Variants in RNF38 observed in about 807,000 individuals in gnomAD.
The protein encoded by RNF38 is E3 ubiquitin-protein ligase RNF38.
Under a neutral mutation model 67.2 loss-of-function variants are expected in RNF38, and 15 were observed. That is an observed-to-expected ratio of 0.22 (90% CI 0.15 to 0.34). The LOEUF (loss-of-function observed/expected upper bound fraction) is 0.34. Ranked by LOEUF, RNF38 falls within the 10% of genes least tolerant of loss-of-function variation. The pLI, the probability that RNF38 is intolerant of heterozygous loss-of-function variation, is 1.00. For synonymous variants in RNF38, 220 were observed against 218.8 expected, an observed-to-expected ratio of 1.01 and a Z score of -0.05; for missense variants, 524 against 639.9, an observed-to-expected ratio of 0.82 and a Z score of 1.95.
At chr9:36,438,993 A>T (rs1839133588) in intron 1 of RNF38, among the ~76,000 whole-genome samples, 1 of 151,612 alleles carries the variant, frequency 6.6e-6, no homozygotes, top group African/African-American at 2.4e-5. Context: ...AAACTAGAAG[A>T]AGAGGTTAAA....
intron 2 of RNF38, among the ~76,000 whole-genome samples, chr9:36,386,415 A>G (rs1836640560): frequency 6.6e-6 from 1 of 152,254 alleles, no homozygotes. Flanking sequence ...TATTTTCACA[A>G]TAATTTTCTC....
chr9:36,410,396 G>A (rs550537577), intron 2 of RNF38, among the ~76,000 whole-genome samples: 23 of 152,096 alleles, frequency 1.5e-4, no homozygotes, highest in African/African-American at 3.9e-4. Context: ...GCATGATCTC[G>A]GCTCACTGCA....
chr9:36,399,942 G>T (rs991754001), intron 1 of RNF38, among the ~76,000 whole-genome samples, 155 bp downstream of exon 1: 4 of 152,068 alleles, frequency 2.6e-5, no homozygotes, highest in Admixed American at 6.6e-5. Context: ...GTTTTCATAC[G>T]TTAAGTCCAC....
At chr9:36,401,145 C>T (rs1838006696), upstream of RNF38, 2 of 985,066 alleles carry the variant, frequency 2.0e-6, no homozygotes, top group African/African-American at 1.8e-5. Flanking sequence ...TCCCTTTTCC[C>T]CCAGGCTCCG....
intron 3 of RNF38, among the ~76,000 whole-genome samples, chr9:36,374,842 G>A (rs553656047): frequency 6.6e-6 from 1 of 152,258 alleles, no homozygotes; most frequent in South Asian, 2.1e-4. Context: ...CTCATTTAAC[G>A]TTAATTACAC....
chr9:36,406,596 A>C (rs996354343), intron 2 of RNF38, among the ~76,000 whole-genome samples: 1 of 152,246 alleles, frequency 6.6e-6, no homozygotes, highest in Non-Finnish European at 1.5e-5. Flanking sequence ...AGTCTTACCA[A>C]ATCTGGCAAG....
intron 1 of RNF38, among the ~76,000 whole-genome samples, chr9:36,463,312 C>T (rs1241328780): frequency 1.3e-5 from 2 of 152,110 alleles, no homozygotes; most frequent in Admixed American, 6.6e-5. Context: ...AGAAAGGCCC[C>T]GCACATTATG....
At chr9:36,353,371 T>C (rs202009956) in intron 6 of RNF38, 40 bp from the exon 7 acceptor site, 46 of 1,342,074 alleles carry the variant, frequency 3.4e-5, no homozygotes, top group Non-Finnish European at 4.4e-5. Context: ...TGTATATATA[T>C]ATATACTTCC....
In RNF38 at chr9:36,371,994, G is replaced by A. The variant is rs185536409; in HGVS notation, c.357-2062C>T. 2.4e-3 allele frequency among the ~76,000 whole-genome samples: 361 copies of A among 148,376 alleles called. 1 individual carries two copies. Among genetic ancestry groups the A allele is most frequent in the African/African-American group, 8.7e-3 (347 of 39,936 alleles). Reference sequence around the variant, plus strand: ...CTGCCAGGCTGGAGTGCAGTGGCCCGATCTCGGCTCACTACAACCTCTGCC... The same window carrying A: ...CTGCCAGGCTGGAGTGCAGTGGCCCAATCTCGGCTCACTACAACCTCTGCC... On this transcript the variant is annotated intron_variant, in intron 3 of 11. Coordinates refer to ENST00000259605, the MANE Select transcript of RNF38 (RefSeq NM_022781.5).
At chr9:36,439,989 T>G (rs1214132237) in intron 1 of RNF38, among the ~76,000 whole-genome samples, 1 of 152,172 alleles carries the variant, frequency 6.6e-6, no homozygotes, top group African/African-American at 2.4e-5. Context: ...CTCATGCCTG[T>G]AATCCCAGCA....
At chr9:36,477,832 A>AAAG (rs1554702647) in intron 1 of RNF38, among the ~76,000 whole-genome samples, 3 of 147,354 alleles carry the variant, frequency 2.0e-5, no homozygotes, top group South Asian at 2.2e-4. Flanking sequence ...AAAAAAAAAA[A>AAAG]AAAAGAAAGA....
Position 36,357,795 on chromosome 9 carries a change from C to G in RNF38, c.718G>C (p.Val240Leu), listed in dbSNP as rs770919126. The change falls in exon 5 of 12, where the codon GTC becomes CTC. Residue 240 changes from valine (V) to leucine (L), a missense_variant. Coordinates refer to ENST00000259605, the MANE Select transcript of RNF38 (RefSeq NM_022781.5). The stretch of plus-strand genomic sequence containing the variant: ...CTTACTGGAGGAGGCACACTACAGA[C>G]AGGGAGGTGCTGTCCACTGAAAACC... ...SVVFSGQHLPVCSVPPPMLQA... is the reference protein window; with the variant it reads ...SVVFSGQHLPLCSVPPPMLQA... The G allele has an allele frequency of 6.2e-7, 1 of 1,613,700 alleles. No individual in the cohort carries two copies. The highest frequency in any genetic ancestry group is 2.2e-5 in the East Asian group (1 of 44,870).
chr9:36,368,053 A>G (rs2133754881), intron 4 of RNF38, among the ~76,000 whole-genome samples: 1 of 152,224 alleles, frequency 6.6e-6, no homozygotes, highest in Non-Finnish European at 1.5e-5. Context: ...GGGTTTCACC[A>G]TGTTGGCCAG....
chr9:36,411,860 C>T (rs1372668089), intron 2 of RNF38, among the ~76,000 whole-genome samples: 2 of 152,052 alleles, frequency 1.3e-5, no homozygotes, highest in South Asian at 2.1e-4. Flanking sequence ...TGAACCACCA[C>T]GCTCAGCCTT....
intron 1 of RNF38, among the ~76,000 whole-genome samples, chr9:36,443,439 A>G (rs181673996): frequency 2.4e-3 from 363 of 152,354 alleles, no homozygotes; most frequent in African/African-American, 6.9e-3. Flanking sequence ...GAAAAATATC[A>G]ATGCTATATA....
intron 1 of RNF38, among the ~76,000 whole-genome samples, chr9:36,450,010 A>G (rs990305601): frequency 2.0e-5 from 3 of 152,190 alleles, no homozygotes; most frequent in African/African-American, 7.2e-5. Flanking sequence ...GAATTCCCTC[A>G]TGTATTTATA....
At chr9:36,461,042 C>CTACTAAATACA (rs1839721743) in intron 1 of RNF38, among the ~76,000 whole-genome samples, 1 of 152,088 alleles carries the variant, frequency 6.6e-6, no homozygotes, top group Admixed American at 6.6e-5. Context: ...GGGGAAACCC[C>CTACTAAATACA]GTATCTACTA....
intron 1 of RNF38, among the ~76,000 whole-genome samples, chr9:36,467,173 C>A (rs376493788): frequency 6.1e-5 from 1 of 16,424 alleles, no homozygotes; most frequent in Admixed American, 8.3e-4. Flanking sequence ...AGCGAGACTC[C>A]GTCTCAAAAA....
rs549289587 is a variant in RNF38 at position 36,352,848 on chromosome 9, G to T, written c.1072C>A (p.Pro358Thr). The change falls in exon 8 of 12, where the codon CCT becomes ACT. Residue 358 changes from proline to threonine, a missense_variant and splice_region_variant. By Grantham distance (38) the Pro-to-Thr change is conservative. This residue lies in a region of RNF38 where 461 missense variants were observed against 517.4 expected (regional missense o/e 0.89). Coordinates refer to ENST00000259605, the MANE Select transcript of RNF38 (RefSeq NM_022781.5). ...CTCCGAGGCATAAATGGAGGATAAG[G>T]CTGCAAGGGGAAAAATGTTAAGATT... ...PLHQEVSFGV[P>T]YPPFMPRRLT... The T allele has an allele frequency of 3.1e-6, 5 of 1,603,118 alleles. No individual in the cohort carries two copies. In the Admixed American group the frequency reaches 6.7e-5, roughly 21 times the overall value.
Sources: gnomAD v4.1 joint callset for allele counts (sites outside exome capture counted in the v4.1 genomes callset) on GRCh38, gnomAD v4.1.1 for gene constraint, gnomAD v4.1.1 regional missense constraint, MANE v1.5 for transcripts, NCBI Gene and HGNC (gene_info 2026-07-23, HGNC 2026-07-21) for gene names.